Variants in WASF1 observed in about 807,000 individuals in gnomAD.
WASF1 encodes actin-binding protein WASF1.
In WASF1, 7 loss-of-function variants were observed where a neutral mutation model predicts 50.5. That is an observed-to-expected ratio of 0.14 (90% confidence interval 0.08 to 0.26). The LOEUF is 0.26. WASF1 is among the 10% of genes least tolerant of loss of function. The pLI is 1.00. For missense variants in WASF1, 470 were observed against 694.7 expected (o/e 0.68, Z 3.64); for synonymous variants, 205 against 244.0 (o/e 0.84, Z 1.49).
intron 5 of WASF1, among the ~76,000 whole-genome samples, chr6:110,109,552 C>CT (rs374420298): frequency 0.011 from 1,517 of 135,512 alleles, 18 homozygotes; most frequent in Middle Eastern, 0.016. Context: ...CCTAACAATT[C>CT]TTTTTTTTTT....
At chr6:110,176,397 C>A (rs1274591780) in intron 2 of WASF1, among the ~76,000 whole-genome samples, 4 of 151,688 alleles carry the variant, frequency 2.6e-5, no homozygotes, top group Non-Finnish European at 5.9e-5. Flanking sequence ...GTTAATATTT[C>A]ATAAATCAAA....
intron 3 of WASF1, among the ~76,000 whole-genome samples, chr6:110,138,954 A>G (rs1477282446): frequency 6.6e-6 from 1 of 152,184 alleles, no homozygotes; most frequent in African/African-American, 2.4e-5. Context: ...TCCTGTCACC[A>G]TCAACATGCT....
chr6:110,113,220 G>GTCCTTT, intron 5 of WASF1, 106 bp downstream of exon 5: 1 of 993,142 alleles, frequency 1.0e-6, no homozygotes, highest in Non-Finnish European at 1.3e-6. Context: ...CAAAGGACAT[G>GTCCTTT]GGTATGATCT....
At chr6:110,160,960 A>C (rs1051094090) in intron 2 of WASF1, among the ~76,000 whole-genome samples, 3 of 151,522 alleles carry the variant, frequency 2.0e-5, no homozygotes, top group African/African-American at 7.3e-5. Flanking sequence ...AATTATCTCG[A>C]TGAAATAAAT....
At chr6:110,109,120 C>T (rs1356309472) in intron 5 of WASF1, among the ~76,000 whole-genome samples, 1 of 152,128 alleles carries the variant, frequency 6.6e-6, no homozygotes, top group Non-Finnish European at 1.5e-5. Context: ...GGGCTAAACA[C>T]GCTGTTAACC....
At chr6:110,124,772 T>C (rs1443876220) in intron 4 of WASF1, among the ~76,000 whole-genome samples, 1 of 152,100 alleles carries the variant, frequency 6.6e-6, no homozygotes, top group Non-Finnish European at 1.5e-5. Flanking sequence ...TAGCCAGGCA[T>C]GATGGCACTC....
chr6:110,111,034 CTTAA>C, intron 5 of WASF1, among the ~76,000 whole-genome samples: 1 of 152,000 alleles, frequency 6.6e-6, no homozygotes, highest in East Asian at 1.9e-4. Context: ...ACACAAACAT[CTTAA>C]TTTATTTACT....
chr6:110,142,372 AGAAAACCTTTCCTCATCCT>A (rs1250363385), intron 3 of WASF1, among the ~76,000 whole-genome samples: 2 of 152,212 alleles, frequency 1.3e-5, no homozygotes, highest in African/African-American at 4.8e-5. Flanking sequence ...CTTTTTAGAG[AGAAAACCTTTCCTCATCCT>A]TTCTTTTTAC....
chr6:110,147,477 C>T (rs1365374301), intron 3 of WASF1, among the ~76,000 whole-genome samples: 1 of 151,990 alleles, frequency 6.6e-6, no homozygotes, highest in South Asian at 2.1e-4. Context: ...AAATAAGCTA[C>T]ATACTCAGCA....
chr6:110,118,347 C>CAAAAAAAAAAAAA (rs56948481), intron 4 of WASF1, among the ~76,000 whole-genome samples: 1 of 7,474 alleles, frequency 1.3e-4, no homozygotes, highest in Non-Finnish European at 2.6e-4. Flanking sequence ...AAACGGAAAG[C>CAAAAAAAAAAAAA]AAAAAAAAAA....
intron 2 of WASF1, among the ~76,000 whole-genome samples, chr6:110,178,248 T>G (rs1177467441): frequency 6.6e-6 from 1 of 152,126 alleles, no homozygotes; most frequent in Non-Finnish European, 1.5e-5. Flanking sequence ...CTTCCGAAAT[T>G]TTATATCAAA....
At chr6:110,159,149 G>A (rs9487309) in intron 3 of WASF1, among the ~76,000 whole-genome samples, 2 of 151,856 alleles carry the variant, frequency 1.3e-5, no homozygotes, top group African/African-American at 4.8e-5. Context: ...TTCAGAATTA[G>A]TTGAATAAGA....
In WASF1 at chr6:110,101,816, G is replaced by C; in HGVS notation, c.1294C>G (p.Leu432Val). 1 of 1,614,152 alleles carries C rather than the reference G, an allele frequency of 6.2e-7. No homozygotes were observed. The highest frequency in any genetic ancestry group is 8.5e-7 in the Non-Finnish European group (1 of 1,180,008). The change falls in exon 10 of 11, where the codon CTG (leucine) becomes GTG (valine). Residue 432 changes from leucine to valine, a missense_variant. Physicochemically the swap from Leu to Val is conservative, Grantham distance 32. Transcript: ENST00000392589. Reference sequence around the variant, plus strand: ...GATGGTCGAATGCCAGGTGGAGGCAGAGGAGGCGGTGGTGGGGGTGGAGGC... The same window carrying C: ...GATGGTCGAATGCCAGGTGGAGGCACAGGAGGCGGTGGTGGGGGTGGAGGC... The part of the protein sequence containing the change: ...GLPPPPPPPP[L>V]PPPGIRPSSP...
rs186670801 is a variant in WASF1, at chr6:110,154,902, G to C, written c.-29+5733C>G. Among the ~76,000 whole-genome samples, 35 of 152,206 alleles carry C rather than the reference G, an allele frequency of 2.3e-4. No individual in the cohort carries two copies. The East Asian group carries it at 6.0e-3, about 26-fold the overall frequency. On this transcript the variant is annotated intron_variant, in intron 3 of 10. Coordinates refer to ENST00000392589, the MANE Select transcript of WASF1 (RefSeq NM_003931.3). The stretch of plus-strand genomic sequence containing the variant: ...GATCTTATGTAAAGTTGTCCTTGGT[G>C]AAAGTCAGGCACATGTAAAAACTTC...
chr6:110,130,306 C>T (rs1774605851), intron 3 of WASF1, among the ~76,000 whole-genome samples: 1 of 152,184 alleles, frequency 6.6e-6, no homozygotes, highest in African/African-American at 2.4e-5. Context: ...TACCAATTGC[C>T]AGAACCCGTC....
chr6:110,149,551 G>A (rs1369383901), intron 3 of WASF1, among the ~76,000 whole-genome samples: 1 of 148,962 alleles, frequency 6.7e-6, no homozygotes, highest in Non-Finnish European at 1.5e-5. Context: ...TAACCTGGAA[G>A]AGAAATTAAA....
intron 4 of WASF1, among the ~76,000 whole-genome samples, chr6:110,121,561 T>G (rs919146590): frequency 1.3e-5 from 2 of 152,104 alleles, no homozygotes; most frequent in African/African-American, 4.8e-5. Flanking sequence ...TGTGGAGAAA[T>G]AGGAACACTT....
At chr6:110,101,024 T>C (rs1403374175) in intron 10 of WASF1, among the ~76,000 whole-genome samples, 1 of 152,236 alleles carries the variant, frequency 6.6e-6, no homozygotes, top group African/African-American at 2.4e-5. Context: ...TGAATATATT[T>C]TCTGTGGCTT....
chr6:110,147,386 A>T (rs1437303380), intron 3 of WASF1, among the ~76,000 whole-genome samples: 1 of 152,118 alleles, frequency 6.6e-6, no homozygotes, highest in African/African-American at 2.4e-5. Context: ...AAGTCACAAT[A>T]GCAAAGCATT....
Sources: gnomAD v4.1 joint callset for allele counts (sites outside exome capture counted in the v4.1 genomes callset) on GRCh38, gnomAD v4.1.1 for gene constraint, MANE v1.5 for transcripts, NCBI Gene and HGNC (gene_info 2026-07-23, HGNC 2026-07-21) for gene names.